ANO3: variants seen among roughly 807,000 people sequenced by gnomAD.
ANO3 encodes the protein anoctamin 3.
ANO3 carries 99 observed loss-of-function variants against 144.8 expected under a neutral mutation model. The observed-to-expected ratio is 0.68, with a 90% CI of 0.58 to 0.81. The LOEUF (loss-of-function observed/expected upper bound fraction) is 0.81. Ranked by LOEUF, ANO3 falls within the 30% of genes least tolerant of loss-of-function variation. The pLI is 0.00. For synonymous variants in ANO3, 414 were observed against 392.6 expected, an observed-to-expected ratio of 1.05 and a Z score of -0.64; for missense variants, 905 against 1,202.2, an observed-to-expected ratio of 0.75 and a Z score of 3.66.
intron 1 of ANO3, among the ~76,000 whole-genome samples, chr11:26,203,490 T>A (rs2133914396): frequency 6.6e-6 from 1 of 152,138 alleles, no homozygotes; most frequent in South Asian, 2.1e-4. Context: ...AAAACCGATA[T>A]ACTGAATTAC....
intron 1 of ANO3, among the ~76,000 whole-genome samples, chr11:26,212,124 G>C (rs1270950848): frequency 6.6e-6 from 1 of 151,996 alleles, no homozygotes; most frequent in Non-Finnish European, 1.5e-5. Context: ...AGGTTGATGG[G>C]TGCAGCAAAC....
intron 5 of ANO3, among the ~76,000 whole-genome samples, chr11:26,512,390 C>T (rs1402234227): frequency 6.6e-6 from 1 of 152,152 alleles, no homozygotes; most frequent in Non-Finnish European, 1.5e-5. Flanking sequence ...CAGAGCTGAA[C>T]AGAATAGTGC....
chr11:26,485,993 T>C (rs1269577341), intron 4 of ANO3, among the ~76,000 whole-genome samples: 2 of 152,002 alleles, frequency 1.3e-5, no homozygotes, highest in Non-Finnish European at 2.9e-5. Flanking sequence ...AACAAGTCAA[T>C]GAAAAATAAC....
At chr11:26,490,229 C>T (rs117640780) in intron 4 of ANO3, among the ~76,000 whole-genome samples, 2,297 of 152,228 alleles carry the variant, frequency 0.015, 19 homozygotes, top group Middle Eastern at 0.044. Context: ...ACTTTTGCTT[C>T]TTCCTTGTTT....
At chr11:26,344,113 A>G (rs895917884) in intron 1 of ANO3, among the ~76,000 whole-genome samples, 1 of 152,212 alleles carries the variant, frequency 6.6e-6, no homozygotes, top group African/African-American at 2.4e-5. Flanking sequence ...ATATAGCAGT[A>G]GTAATTTCTG....
chr11:26,544,136 AAT>A (rs1328167652), intron 11 of ANO3, among the ~76,000 whole-genome samples: 1 of 150,754 alleles, frequency 6.6e-6, no homozygotes, highest in African/African-American at 2.4e-5. Flanking sequence ...TTTTAGTGTC[AAT>A]AGTTACATTT....
intron 1 of ANO3, among the ~76,000 whole-genome samples, chr11:26,264,164 G>A (rs1351626018): frequency 6.6e-6 from 1 of 152,154 alleles, no homozygotes; most frequent in Non-Finnish European, 1.5e-5. Context: ...GTTGTTCAAG[G>A]AAATACATCT....
intron 6 of ANO3, among the ~76,000 whole-genome samples, chr11:26,518,216 T>C (rs116901886): frequency 0.11 from 16,708 of 152,098 alleles, 1,282 homozygotes; most frequent in Admixed American, 0.15. Context: ...TTTTTCTATC[T>C]TCATGCTATA....
chr11:26,570,240 T>G lies in ANO3; in HGVS notation c.1447+10461T>G, dbSNP rs554702584. On this transcript the variant is annotated intron_variant, in intron 14 of 26. Transcript: ENST00000256737. ...GAATGAACACGACTTTCGCCTTCTT[T>G]GTTACTGGCACTGGAAAGTGGTTTC... Among the ~76,000 whole-genome samples the G allele has an allele frequency of 7.2e-5, 11 of 152,260 alleles. No individual in the cohort carries two copies. In the South Asian group the frequency reaches 1.2e-3, roughly 17 times the overall value.
chr11:26,194,817 T>C (rs1029442466), intron 1 of ANO3, among the ~76,000 whole-genome samples: 1 of 152,086 alleles, frequency 6.6e-6, no homozygotes, highest in African/African-American at 2.4e-5. Context: ...CCACTAGCCT[T>C]GGCCTTGCAA....
intron 1 of ANO3, among the ~76,000 whole-genome samples, chr11:26,360,148 G>T (rs375173863): frequency 2.2e-5 from 3 of 135,978 alleles, no homozygotes; most frequent in African/African-American, 2.8e-5. Flanking sequence ...CTTTTTATAA[G>T]TTTTTTTTTC....
chr11:26,611,040 T>C (rs1337363653), intron 17 of ANO3, among the ~76,000 whole-genome samples: 1 of 152,140 alleles, frequency 6.6e-6, no homozygotes, highest in African/African-American at 2.4e-5. Context: ...TTTTCTGTGG[T>C]GACTCTAAGA....
intron 6 of ANO3, among the ~76,000 whole-genome samples, chr11:26,523,761 A>G (rs1339038141): frequency 1.3e-5 from 2 of 152,124 alleles, no homozygotes; most frequent in African/African-American, 4.8e-5. Context: ...CTCCAAAAGC[A>G]TTTTCTCAAA....
chr11:26,220,815 T>C (rs1852127188), intron 1 of ANO3, among the ~76,000 whole-genome samples: 1 of 152,146 alleles, frequency 6.6e-6, no homozygotes, highest in Non-Finnish European at 1.5e-5. Context: ...TTCCCAGGGA[T>C]GGTATCTAGG....
chr11:26,199,235 C>T (rs1851646610), intron 1 of ANO3, among the ~76,000 whole-genome samples: 1 of 152,094 alleles, frequency 6.6e-6, no homozygotes, highest in South Asian at 2.1e-4. Flanking sequence ...TTCCTGACTC[C>T]ATATCCTTTT....
intron 1 of ANO3, among the ~76,000 whole-genome samples, chr11:26,273,051 A>T (rs1380137137): frequency 6.6e-6 from 1 of 152,074 alleles, no homozygotes; most frequent in African/African-American, 2.4e-5. Flanking sequence ...ATACCTATAA[A>T]TATAAAGCTG....
intron 1 of ANO3, among the ~76,000 whole-genome samples, chr11:26,282,061 G>A (rs1223575052): frequency 6.6e-6 from 1 of 152,142 alleles, no homozygotes; most frequent in African/African-American, 2.4e-5. Flanking sequence ...AGCAGTGTTT[G>A]GGGTTACATT....
chr11:26,576,707 A>C (rs1850996144), intron 14 of ANO3, among the ~76,000 whole-genome samples: 3 of 152,042 alleles, frequency 2.0e-5, no homozygotes, highest in African/African-American at 7.2e-5. Flanking sequence ...TATCTTATTT[A>C]TGTATGTATT....
intron 1 of ANO3, among the ~76,000 whole-genome samples, chr11:26,310,858 G>C (rs2133870410): frequency 6.6e-6 from 1 of 152,310 alleles, no homozygotes; most frequent in Non-Finnish European, 1.5e-5. Flanking sequence ...GACGGTAACT[G>C]AAGATCAATC....
Sources: allele counts gnomAD v4.1 joint callset (sites outside exome capture counted in the v4.1 genomes callset), GRCh38; gene constraint gnomAD v4.1.1; transcripts MANE v1.5; gene names NCBI Gene and HGNC (gene_info 2026-07-23, HGNC 2026-07-21).